TTLL5: variants seen among roughly 807,000 people sequenced by gnomAD.
The protein encoded by TTLL5 is tubulin tyrosine ligase like 5.
TTLL5 carries 132 observed loss-of-function variants against 168.4 expected under a neutral mutation model. That is an observed-to-expected ratio of 0.78 (90% confidence interval 0.68 to 0.91). The LOEUF (loss-of-function observed/expected upper bound fraction) is 0.91. Ranked by LOEUF, TTLL5 falls within the 40% of genes least tolerant of loss-of-function variation. TTLL5 has a pLI of 0.00. For missense variants in TTLL5, 1,545 were observed against 1,581.5 expected, an observed-to-expected ratio of 0.98 and a Z score of 0.39; for synonymous variants, 546 against 558.6, an observed-to-expected ratio of 0.98 and a Z score of 0.32.
chr14:75,759,823 A>G (rs1364739993), intron 18 of TTLL5, among the ~76,000 whole-genome samples: 1 of 152,118 alleles, frequency 6.6e-6, no homozygotes, highest in Admixed American at 6.5e-5. Flanking sequence ...AATTCAGCAC[A>G]TATTTATGAG....
At chr14:75,757,453 C>A (rs892830078) in intron 18 of TTLL5, among the ~76,000 whole-genome samples, 7 of 152,130 alleles carry the variant, frequency 4.6e-5, no homozygotes, top group African/African-American at 1.7e-4. Context: ...TAAGCTCCGG[C>A]CATGGCAGGT....
intron 9 of TTLL5, among the ~76,000 whole-genome samples, chr14:75,715,883 A>G (rs1002653584): frequency 6.6e-6 from 1 of 151,918 alleles, no homozygotes; most frequent in African/African-American, 2.4e-5. Flanking sequence ...ACCCGATTCC[A>G]GCTCACCACA....
At chr14:75,930,643 G>C (rs1278501874) in intron 31 of TTLL5, 10 of 985,216 alleles carry the variant, frequency 1.0e-5, no homozygotes, top group Non-Finnish European at 1.2e-5. Flanking sequence ...AGGTCAAGTG[G>C]GAGATAAGTG....
intron 3 of TTLL5, among the ~76,000 whole-genome samples, chr14:75,678,463 T>C (rs1231313051): frequency 1.3e-5 from 2 of 152,236 alleles, no homozygotes; most frequent in Non-Finnish European, 2.9e-5. Context: ...TTCCCCATTG[T>C]TCCAATTTAG....
At chr14:75,868,904 C>G (rs922794255) in intron 29 of TTLL5, among the ~76,000 whole-genome samples, 4 of 151,996 alleles carry the variant, frequency 2.6e-5, no homozygotes, top group Admixed American at 2.6e-4. Context: ...AGCTCCTCAG[C>G]GTGGCACAAA....
chr14:75,771,878 T>A (rs1161829941), intron 21 of TTLL5, 24 bp downstream of exon 21: 2 of 1,585,516 alleles, frequency 1.3e-6, no homozygotes, highest in Non-Finnish European at 1.7e-6. Flanking sequence ...TACTGAAACC[T>A]TTTTACTTTC....
intron 17 of TTLL5, among the ~76,000 whole-genome samples, chr14:75,751,251 G>C (rs1015385899): frequency 1.3e-5 from 2 of 152,146 alleles, no homozygotes; most frequent in Non-Finnish European, 2.9e-5. Flanking sequence ...TCTTCTTCAC[G>C]ATGTCATGGA....
chr14:75,857,833 T>C (rs1435448350), intron 28 of TTLL5, among the ~76,000 whole-genome samples: 3 of 151,838 alleles, frequency 2.0e-5, no homozygotes, highest in Admixed American at 2.0e-4. Flanking sequence ...ATATTTTTAG[T>C]AGAGATGGGG....
chr14:75,834,184 CAG>C (rs1321567145), intron 28 of TTLL5, among the ~76,000 whole-genome samples: 2 of 152,094 alleles, frequency 1.3e-5, no homozygotes, highest in African/African-American at 2.4e-5. Context: ...ATTGATTTTG[CAG>C]AGAGTGAATT....
chr14:75,807,915 T>C (rs908028152), intron 27 of TTLL5, among the ~76,000 whole-genome samples: 2 of 152,252 alleles, frequency 1.3e-5, no homozygotes, highest in African/African-American at 4.8e-5. Context: ...TTGAAGCAGC[T>C]TGCAAAACAT....
At chr14:75,842,959 C>T (rs1248487008) in intron 28 of TTLL5, among the ~76,000 whole-genome samples, 1 of 152,042 alleles carries the variant, frequency 6.6e-6, no homozygotes, top group Non-Finnish European at 1.5e-5. Context: ...CTTTTTGCCT[C>T]CATAGCAAAA....
intron 27 of TTLL5, among the ~76,000 whole-genome samples, chr14:75,799,157 G>A (rs535537172): frequency 1.1e-4 from 16 of 152,168 alleles, no homozygotes; most frequent in South Asian, 2.1e-4. Flanking sequence ...AGTGTTAGGC[G>A]CATATGTATT....
At chr14:75,802,945 A>C (rs1290126706) in intron 27 of TTLL5, among the ~76,000 whole-genome samples, 1 of 152,214 alleles carries the variant, frequency 6.6e-6, no homozygotes, top group Non-Finnish European at 1.5e-5. Flanking sequence ...ATAAAAACTC[A>C]CTTGTGCATA....
At position 75,889,923 on chromosome 14, in the gene TTLL5, CAAAG is replaced by C. The variant is rs560594373; in HGVS notation, c.3740+7024_3740+7027del. ...AAAGATATACTCAAAGGTAATCTGTCAAAGAAGGAAGGAAGGGAGGGAGGGAGGG... is the reference window on the plus strand; with the variant it reads ...AAAGATATACTCAAAGGTAATCTGTCAAGGAAGGAAGGGAGGGAGGGAGGG... On this transcript the variant is annotated intron_variant, in intron 30 of 31. Coordinates refer to ENST00000298832, the MANE Select transcript of TTLL5 (RefSeq NM_015072.5). 3.7e-3 allele frequency among the ~76,000 whole-genome samples: 284 copies of C among 77,096 alleles called. 1 individual carries two copies. Among genetic ancestry groups the C allele is most frequent in the African/African-American group, 0.014 (267 of 19,436 alleles). The allele number at this position is 77,096 out of a possible 152,430, so 50.6% of individuals were successfully genotyped here. A position where few individuals can be genotyped will look rare whatever the true frequency, so the allele number is the denominator to read the frequency against.
At chr14:75,685,374 T>TAAA (rs1884964627) in intron 5 of TTLL5, among the ~76,000 whole-genome samples, 1 of 112,830 alleles carries the variant, frequency 8.9e-6, no homozygotes. Flanking sequence ...AGACTCTGTC[T>TAAA]CAAAAAAAAA....
intron 19 of TTLL5, among the ~76,000 whole-genome samples, chr14:75,765,661 G>A (rs1241519335): frequency 6.6e-6 from 1 of 152,030 alleles, no homozygotes; most frequent in Non-Finnish European, 1.5e-5. Context: ...CCAGGAGTTC[G>A]AGACCAGCCC....
At chr14:75,761,381 A>C (rs899187926) in intron 18 of TTLL5, among the ~76,000 whole-genome samples, 1 of 152,200 alleles carries the variant, frequency 6.6e-6, no homozygotes, top group Non-Finnish European at 1.5e-5. Flanking sequence ...ACATAATCAC[A>C]AAACAGCTTG....
intron 28 of TTLL5, among the ~76,000 whole-genome samples, chr14:75,830,359 C>A (rs1895491639): frequency 6.6e-6 from 1 of 152,090 alleles, no homozygotes; most frequent in African/African-American, 2.4e-5. Flanking sequence ...CAAAAGTAAG[C>A]CTATTATTGT....
At chr14:75,713,954 ATT>A (rs879749079) in intron 9 of TTLL5, among the ~76,000 whole-genome samples, 1 of 145,734 alleles carries the variant, frequency 6.9e-6, no homozygotes. Flanking sequence ...TTGTCCTAAG[ATT>A]TTTTTTTTTT....
Sources: allele counts gnomAD v4.1 joint callset (sites outside exome capture counted in the v4.1 genomes callset), GRCh38; gene constraint gnomAD v4.1.1; transcripts MANE v1.5; gene names NCBI Gene and HGNC (gene_info 2026-07-23, HGNC 2026-07-21).